Variants in UBA52 observed in about 807,000 individuals in gnomAD.
UBA52 encodes ubiquitin A-52 residue ribosomal protein fusion product 1, also known as ubiquitin-ribosomal protein eL40 fusion protein.
In UBA52, 1 loss-of-function variant was observed where a neutral mutation model predicts 15.3. The ratio of observed to expected loss-of-function variants is 0.07; its 90% CI spans 0.02 to 0.31. The LOEUF (loss-of-function observed/expected upper bound fraction) is 0.31. Among genes scored for constraint, UBA52 ranks in the 10% least tolerant of loss-of-function variants. UBA52 has a pLI of 1.00. For synonymous variants in UBA52, 50 were observed against 58.3 expected (o/e 0.86, Z 0.65); for missense variants, 87 against 168.0 (o/e 0.52, Z 2.66).
the UBA52 span, among the ~76,000 whole-genome samples, chr19:18,566,319 T>G: frequency 6.6e-6 from 1 of 151,658 alleles, no homozygotes; most frequent in Non-Finnish European, 1.5e-5. Context: ...ATACAAAAAA[T>G]TAGCTGGGCG....
At chr19:18,573,449 C>CCT in intron 2 of UBA52, 46 bp downstream of exon 2, 1 of 1,525,344 alleles carries the variant, frequency 6.6e-7, no homozygotes, top group Non-Finnish European at 9.1e-7. Flanking sequence ...ACTGGGAGTC[C>CCT]CTCTCTGCCC....
upstream of UBA52, among the ~76,000 whole-genome samples, chr19:18,570,579 T>C (rs1332071475): frequency 7.1e-6 from 1 of 140,316 alleles, no homozygotes; most frequent in African/African-American, 2.6e-5. Flanking sequence ...TGGCGTGAAC[T>C]CAGCTCACTG....
At chr19:18,570,669 A>C (rs567511225), upstream of UBA52, among the ~76,000 whole-genome samples, 7 of 139,738 alleles carry the variant, frequency 5.0e-5, no homozygotes, top group East Asian at 1.5e-3. Flanking sequence ...CCGCCACCAC[A>C]CCTGAAAAAT....
upstream of UBA52, chr19:18,567,408 G>C (rs1975302545): frequency 1.5e-6 from 1 of 662,006 alleles, no homozygotes; most frequent in Admixed American, 2.3e-5. Context: ...CCGCACAGGA[G>C]AATGTGGATA....
chr19:18,566,808 A>T (rs1400030962), upstream of UBA52, among the ~76,000 whole-genome samples: 1 of 151,630 alleles, frequency 6.6e-6, no homozygotes, highest in African/African-American at 2.4e-5. Context: ...AAAAAAAAAA[A>T]TTTATCAGAG....
chr19:18,564,767 G>C, the UBA52 span: 31 of 1,327,258 alleles, frequency 2.3e-5, no homozygotes, highest in Non-Finnish European at 3.1e-5. Context: ...CCATGCAAAG[G>C]TTGTGAAGCA....
chr19:18,574,421 T>C (rs1389966486), intron 3 of UBA52, among the ~76,000 whole-genome samples: 1 of 151,662 alleles, frequency 6.6e-6, no homozygotes, highest in Non-Finnish European at 1.5e-5. Context: ...CCCGAGTAGC[T>C]GGGATTACAG....
intron 1 of UBA52, 56 bp from the exon 2 acceptor site, chr19:18,573,237 G>C: frequency 2.6e-6 from 4 of 1,517,012 alleles, no homozygotes; most frequent in Non-Finnish European, 3.7e-6. Context: ...ACCTGAGCTT[G>C]TGCTACTCAG....
chr19:18,573,469 T>C, intron 2 of UBA52, 66 bp downstream of exon 2: 1 of 1,438,310 alleles, frequency 7.0e-7, no homozygotes, highest in African/African-American at 1.4e-5. Flanking sequence ...CAGGGGAGTC[T>C]CAGTCCTGTG....
chr19:18,565,021 G>A, the UBA52 span: 4 of 1,585,538 alleles, frequency 2.5e-6, no homozygotes, highest in Non-Finnish European at 3.4e-6. Context: ...CGCCGTATCA[G>A]GTGGGTGCTC....
upstream of UBA52, chr19:18,568,652 AG>A (rs777137938): frequency 1.5e-5 from 23 of 1,564,540 alleles, no homozygotes; most frequent in East Asian, 4.7e-4. Context: ...CGGTGCCTTG[AG>A]GGGGTCTCAG....
chr19:18,573,223 A>G, intron 1 of UBA52, 70 bp from the exon 2 acceptor site: 1 of 1,430,570 alleles, frequency 7.0e-7, no homozygotes, highest in East Asian at 2.3e-5. Context: ...ACTGTGGTGT[A>G]GGCACCTGAG....
At chr19:18,572,820 A>C (rs1224067709) in intron 1 of UBA52, 53 of 1,009,062 alleles carry the variant, frequency 5.3e-5, no homozygotes, top group Non-Finnish European at 6.2e-5. Context: ...AGGCTGCGAC[A>C]GGAAGGCATG....
At chr19:18,570,341 C>G (rs139237250), upstream of UBA52, among the ~76,000 whole-genome samples, 125 of 151,844 alleles carry the variant, frequency 8.2e-4, no homozygotes, top group African/African-American at 2.1e-3. Flanking sequence ...ACTGCAGGTG[C>G]GCACCACCAC....
chr19:18,575,366 C>T lies in UBA52; in HGVS notation c.*216C>T, dbSNP rs117335930. 1.4e-5 allele frequency: 8 copies of T among 575,854 alleles called. No individual in the cohort carries two copies. The highest frequency in any genetic ancestry group is 3.7e-5 in the African/African-American group (2 of 53,346). The allele number at this position is 575,854 out of a possible 1,614,324, so 35.7% of individuals were successfully genotyped here. A position where few individuals can be genotyped will look rare whatever the true frequency, so the allele number is the denominator to read the frequency against. On this transcript the variant is annotated 3_prime_UTR_variant, in exon 5 of 5. Coordinates refer to ENST00000442744, the MANE Select transcript of UBA52 (RefSeq NM_001033930.3). ...TCTTCTGTCCTAGATTCTGTCACATCGGCATTGGTCCCTGCCCTATGCCCC... is the reference window on the plus strand; with the variant it reads ...TCTTCTGTCCTAGATTCTGTCACATTGGCATTGGTCCCTGCCCTATGCCCC...
intron 3 of UBA52, 27 bp downstream of exon 3, chr19:18,573,775 G>C: frequency 3.1e-6 from 5 of 1,607,400 alleles, no homozygotes; most frequent in Non-Finnish European, 3.4e-6. Context: ...TGCTGGGCAG[G>C]GACCCAAGAT....
At chr19:18,574,582 C>T (rs1477672271) in intron 3 of UBA52, among the ~76,000 whole-genome samples, 1 of 152,172 alleles carries the variant, frequency 6.6e-6, no homozygotes, top group Non-Finnish European at 1.5e-5. Context: ...CTTGCCTGAA[C>T]CACTTAGAGG....
chr19:18,570,296 G>A (rs1335056549), upstream of UBA52, among the ~76,000 whole-genome samples: 1 of 151,580 alleles, frequency 6.6e-6, no homozygotes, highest in Admixed American at 6.6e-5. Flanking sequence ...AAACCTATGG[G>A]TTCAGGCAAT....
upstream of UBA52, among the ~76,000 whole-genome samples, chr19:18,571,407 C>T (rs1381650863): frequency 5.3e-5 from 8 of 152,170 alleles, no homozygotes; most frequent in African/African-American, 1.9e-4. Context: ...TCTGCTCTCC[C>T]TGCTGCTGTC....
Sources: gnomAD v4.1 joint callset for allele counts (sites outside exome capture counted in the v4.1 genomes callset) on GRCh38, gnomAD v4.1.1 for gene constraint, MANE v1.5 for transcripts, NCBI Gene and HGNC (gene_info 2026-07-23, HGNC 2026-07-21) for gene names.